Variants in SDK1 observed in about 807,000 individuals in gnomAD.
The protein encoded by SDK1 is sidekick cell adhesion molecule 1, also known as protein sidekick-1.
A neutral mutation model predicts 245.5 loss-of-function variants in SDK1; 157 were observed. The observed-to-expected ratio is 0.64, with a 90% CI of 0.56 to 0.73. The LOEUF (loss-of-function observed/expected upper bound fraction) is 0.73, where lower values mean the gene tolerates loss of function less well. Among genes scored for constraint, SDK1 ranks in the 30% least tolerant of loss-of-function variants. SDK1 has a pLI of 0.00. For synonymous variants in SDK1, 1,647 were observed against 1,278.5 expected, an observed-to-expected ratio of 1.29 and a Z score of -6.15; for missense variants, 3,583 against 3,002.3, an observed-to-expected ratio of 1.19 and a Z score of -4.52.
At chr7:3,918,664 T>C (rs111358488) in intron 5 of SDK1, among the ~76,000 whole-genome samples, 4,653 of 152,250 alleles carry the variant, frequency 0.031, 256 homozygotes, top group African/African-American at 0.11. Context: ...CCCCCCGACA[T>C]TGGTAGAAAA....
At chr7:3,721,114 G>A (rs778000212) in intron 4 of SDK1, among the ~76,000 whole-genome samples, 8 of 152,206 alleles carry the variant, frequency 5.3e-5, no homozygotes, top group Non-Finnish European at 1.2e-4. Flanking sequence ...GGGATGGAGA[G>A]CAAGGGCATG....
chr7:3,477,579 G>A (rs547491512), intron 1 of SDK1, among the ~76,000 whole-genome samples: 1 of 150,710 alleles, frequency 6.6e-6, no homozygotes, highest in African/African-American at 2.4e-5. Context: ...CAGTGGTGCA[G>A]TCATAGCTCG....
intron 1 of SDK1, among the ~76,000 whole-genome samples, chr7:3,510,727 A>G (rs1220401502): frequency 6.6e-6 from 1 of 152,140 alleles, no homozygotes; most frequent in Non-Finnish European, 1.5e-5. Context: ...GAGAGAACAG[A>G]TGATAGATGT....
chr7:3,460,364 G>T (rs1426836157), intron 1 of SDK1, among the ~76,000 whole-genome samples: 1 of 152,154 alleles, frequency 6.6e-6, no homozygotes, highest in African/African-American at 2.4e-5. Flanking sequence ...CTCCACTTTG[G>T]AATGTGAGTC....
At chr7:3,862,653 A>T (rs1257078857) in intron 5 of SDK1, among the ~76,000 whole-genome samples, 4 of 152,092 alleles carry the variant, frequency 2.6e-5, no homozygotes, top group Non-Finnish European at 5.9e-5. Flanking sequence ...TTTCACTTCA[A>T]ATGTCAGGCT....
At chr7:3,543,890 C>T (rs1349970659) in intron 1 of SDK1, among the ~76,000 whole-genome samples, 2 of 152,130 alleles carry the variant, frequency 1.3e-5, no homozygotes, top group African/African-American at 4.8e-5. Context: ...GTACAAACAC[C>T]AACAGCCATC....
In SDK1 at chr7:4,174,302, A is replaced by G. The variant is rs186204603; in HGVS notation, c.4881A>G (p.Ser1627=). 1.9e-6 allele frequency: 3 copies of G among 1,613,942 alleles called. No homozygotes were observed. The highest frequency in any genetic ancestry group is 1.7e-5 in the Admixed American group (1 of 60,034). The change falls in exon 33 of 45, where the codon TCA becomes TCG. Residue 1627 remains serine, a synonymous_variant. Coordinates refer to ENST00000404826, the MANE Select transcript of SDK1 (RefSeq NM_152744.4). ...YYRELEYEAG[S]GTEAKTLKNP... ...GGGAGCTGGAGTATGAAGCCGGGTCAGGCACTGAGGCCAAGACGCTCAAAA... is the reference window on the plus strand; with the variant it reads ...GGGAGCTGGAGTATGAAGCCGGGTCGGGCACTGAGGCCAAGACGCTCAAAA...
At chr7:3,931,439 C>G (rs1583580601) in intron 5 of SDK1, among the ~76,000 whole-genome samples, 1 of 152,276 alleles carries the variant, frequency 6.6e-6, no homozygotes, top group African/African-American at 2.4e-5. Context: ...AGGTTCAAAA[C>G]CTTATGGGGC....
At chr7:3,944,571 G>A (rs377473939) in intron 5 of SDK1, among the ~76,000 whole-genome samples, 2 of 152,170 alleles carry the variant, frequency 1.3e-5, no homozygotes, top group African/African-American at 4.8e-5. Flanking sequence ...TAGAAATAAA[G>A]AGGTTGTTTC....
intron 17 of SDK1, among the ~76,000 whole-genome samples, chr7:4,040,257 T>C (rs1199881835): frequency 6.6e-6 from 1 of 152,186 alleles, no homozygotes; most frequent in Non-Finnish European, 1.5e-5. Context: ...CATTTCTTAA[T>C]CCAGTCCCTG....
chr7:4,148,537 C>A (rs1780142484), intron 29 of SDK1, among the ~76,000 whole-genome samples: 1 of 152,200 alleles, frequency 6.6e-6, no homozygotes, highest in South Asian at 2.1e-4. Context: ...GCTTTAGGCC[C>A]TGGGTGACTG....
intron 1 of SDK1, among the ~76,000 whole-genome samples, chr7:3,485,668 GATGATCTTTGGAGGGTTTTTTTTTTT>G (rs1781663013): frequency 1.4e-5 from 1 of 71,950 alleles, no homozygotes; most frequent in Admixed American, 1.8e-4. Context: ...GTGCTGAGGG[GATGATCTTTGGAGGGTTTTTTTTTTT>G]TTTTTTTTTT....
intron 4 of SDK1, among the ~76,000 whole-genome samples, chr7:3,644,524 G>A (rs1782759719): frequency 6.6e-6 from 1 of 151,536 alleles, no homozygotes; most frequent in Non-Finnish European, 1.5e-5. Flanking sequence ...CGGCACTTTA[G>A]GATGCTGATT....
chr7:3,725,551 G>C (rs1422043885), intron 4 of SDK1, among the ~76,000 whole-genome samples: 1 of 152,144 alleles, frequency 6.6e-6, no homozygotes, highest in African/African-American at 2.4e-5. Context: ...TATTATTCCA[G>C]CACCTTTAGC....
At chr7:3,308,810 C>T (rs1437277123) in intron 1 of SDK1, among the ~76,000 whole-genome samples, 1 of 151,996 alleles carries the variant, frequency 6.6e-6, no homozygotes, top group Non-Finnish European at 1.5e-5. Context: ...AGACCTAATT[C>T]TTTACCTTGA....
chr7:3,493,449 T>C (rs1261506962), intron 1 of SDK1, among the ~76,000 whole-genome samples: 5 of 152,210 alleles, frequency 3.3e-5, no homozygotes, highest in Non-Finnish European at 7.3e-5. Flanking sequence ...AAATTAAAAA[T>C]ATTACTTCTA....
At chr7:3,850,738 T>G (rs1422138279) in intron 5 of SDK1, among the ~76,000 whole-genome samples, 1 of 151,964 alleles carries the variant, frequency 6.6e-6, no homozygotes, top group Non-Finnish European at 1.5e-5. Flanking sequence ...ACCATCATTC[T>G]CAGCAAACTA....
intron 5 of SDK1, among the ~76,000 whole-genome samples, chr7:3,931,874 A>C (rs960936725): frequency 6.6e-6 from 1 of 152,238 alleles, no homozygotes; most frequent in Non-Finnish European, 1.5e-5. Flanking sequence ...AGAAGTGCCT[A>C]TTGTAATTGA....
chr7:3,599,727 C>A (rs1336302440), intron 1 of SDK1, among the ~76,000 whole-genome samples: 1 of 152,192 alleles, frequency 6.6e-6, no homozygotes, highest in Non-Finnish European at 1.5e-5. Flanking sequence ...CCCTCCTCCA[C>A]TGAATTTTTC....
Sources: allele counts gnomAD v4.1 joint callset (sites outside exome capture counted in the v4.1 genomes callset), GRCh38; gene constraint gnomAD v4.1.1; transcripts MANE v1.5; gene names NCBI Gene and HGNC (gene_info 2026-07-23, HGNC 2026-07-21).